The following MYO5B variants were observed in gnomAD, a reference collection of about 807,000 sequenced individuals.
MYO5B encodes unconventional myosin-Vb.
Under a neutral mutation model 229.3 loss-of-function variants are expected in MYO5B, and 143 were observed. The ratio of observed to expected loss-of-function variants is 0.62; its 90% confidence interval spans 0.54 to 0.72. The LOEUF is 0.72. Among genes scored for constraint, MYO5B ranks in the 30% least tolerant of loss-of-function variants. The pLI, the probability that MYO5B is intolerant of heterozygous loss-of-function variation, is 0.00. For missense variants in MYO5B, 2,321 were observed against 2,331.0 expected (o/e 1.00, Z 0.09); for synonymous variants, 918 against 885.2 (o/e 1.04, Z -0.66).
rs190374250 is a variant in MYO5B at position 49,848,916 on chromosome 18, C to A, written c.4315+651G>T. 9.1e-4 allele frequency among the ~76,000 whole-genome samples: 139 copies of A among 152,090 alleles called. 3 individuals carry two copies. The highest frequency in any genetic ancestry group is 8.4e-3 in the Admixed American group (128 of 15,278). On this transcript the variant is annotated intron_variant, in intron 32 of 39. Coordinates refer to ENST00000285039, the MANE Select transcript of MYO5B (RefSeq NM_001080467.3). ...AATGACAACTGTGATCAGGGTTGTG[C>A]CCAACACACAAGTGGGGTCAGGACT...
chr18:50,063,981 G>C (rs2030756056), intron 1 of MYO5B: 1 of 152,362 alleles, frequency 6.6e-6, no homozygotes, highest in African/African-American at 2.4e-5. Flanking sequence ...AAGGAACACT[G>C]CTGAATCATT....
intron 1 of MYO5B, among the ~76,000 whole-genome samples, chr18:50,104,760 A>G (rs1009032664): frequency 3.9e-5 from 6 of 152,188 alleles, no homozygotes; most frequent in Non-Finnish European, 7.3e-5. Flanking sequence ...TCCTAGGGGA[A>G]AATTCTTTTA....
chr18:50,150,757 G>A (rs990940470), intron 1 of MYO5B, among the ~76,000 whole-genome samples: 14 of 151,900 alleles, frequency 9.2e-5, no homozygotes, highest in Non-Finnish European at 4.4e-5. Flanking sequence ...TGGGTGCAGT[G>A]CACCAGCACG....
At chr18:49,904,592 G>A in intron 20 of MYO5B, 80 bp downstream of exon 20, 1 of 1,570,820 alleles carries the variant, frequency 6.4e-7, no homozygotes, top group Non-Finnish European at 8.8e-7. Flanking sequence ...GCTTGACAGA[G>A]GTTCACGTTG....
intron 6 of MYO5B, among the ~76,000 whole-genome samples, chr18:49,991,059 C>T (rs1457843809): frequency 6.6e-6 from 1 of 152,056 alleles, no homozygotes; most frequent in African/African-American, 2.4e-5. Flanking sequence ...ATTCAGGAGG[C>T]CTGAGCGAAG....
chr18:49,992,794 C>G (rs1167753494), intron 5 of MYO5B, among the ~76,000 whole-genome samples: 21 of 152,084 alleles, frequency 1.4e-4, no homozygotes, highest in Admixed American at 1.4e-3. Context: ...GAGGAAAAGG[C>G]CTAAAGAATC....
At chr18:49,934,941 G>A (rs1942432) in intron 16 of MYO5B, among the ~76,000 whole-genome samples, 39,164 of 152,098 alleles carry the variant, frequency 0.26, 5,621 homozygotes, top group Middle Eastern at 0.38. Flanking sequence ...AGAAATCATG[G>A]GGAAGGAAAG....
intron 4 of MYO5B, among the ~76,000 whole-genome samples, chr18:50,010,674 C>T (rs1450281772): frequency 1.3e-5 from 2 of 152,182 alleles, no homozygotes; most frequent in African/African-American, 2.4e-5. Context: ...AACAGAGGCA[C>T]GTGTTTCCTG....
intron 34 of MYO5B, among the ~76,000 whole-genome samples, chr18:49,841,786 C>T (rs2024060533): frequency 6.6e-6 from 1 of 152,210 alleles, no homozygotes; most frequent in Non-Finnish European, 1.5e-5. Context: ...CCCAACAGCC[C>T]CGGGCTCTCG....
chr18:50,106,965 G>T (rs909611809), intron 1 of MYO5B, among the ~76,000 whole-genome samples: 1 of 152,118 alleles, frequency 6.6e-6, no homozygotes, highest in Non-Finnish European at 1.5e-5. Flanking sequence ...CTAAGGGAGG[G>T]TGCAAAGGGA....
At position 50,070,671 on chromosome 18, in the gene MYO5B, T is replaced by C. The variant is rs191877164; in HGVS notation, c.28-15293A>G. On this transcript the variant is annotated intron_variant, in intron 1 of 39. Coordinates refer to ENST00000285039, the MANE Select transcript of MYO5B (RefSeq NM_001080467.3). Reference sequence around the variant, plus strand: ...AACAAAAACACCTCATCCTGCACGATACCATTCCCCTGCTTAAAAATGTCC... The same window carrying C: ...AACAAAAACACCTCATCCTGCACGACACCATTCCCCTGCTTAAAAATGTCC... Among the ~76,000 whole-genome samples the C allele has an allele frequency of 5.3e-5, 8 of 152,248 alleles. No homozygotes were observed. In the East Asian group the frequency reaches 1.5e-3, roughly 29 times the overall value.
chr18:49,910,191 C>T (rs1052118662), intron 18 of MYO5B, among the ~76,000 whole-genome samples: 3 of 152,180 alleles, frequency 2.0e-5, no homozygotes, highest in African/African-American at 4.8e-5. Flanking sequence ...CAGCAGCAGC[C>T]CCAGGCAGTG....
intron 1 of MYO5B, among the ~76,000 whole-genome samples, chr18:50,068,685 G>T (rs972491351): frequency 6.6e-6 from 1 of 152,188 alleles, no homozygotes; most frequent in Admixed American, 6.5e-5. Context: ...ACTGGGTCTT[G>T]GTGTGAAAGA....
At chr18:50,043,500 AATATAAATATATTTATAAGT>A (rs1397597380) in intron 2 of MYO5B, among the ~76,000 whole-genome samples, 1 of 90,498 alleles carries the variant, frequency 1.1e-5, no homozygotes, top group Non-Finnish European at 2.2e-5. Context: ...TTTATATATA[AATATAAATATATTTATAAGT>A]ATATAAATAT....
At chr18:50,013,992 C>T (rs529898157) in intron 4 of MYO5B, among the ~76,000 whole-genome samples, 16 of 152,244 alleles carry the variant, frequency 1.1e-4, no homozygotes, top group Admixed American at 9.8e-4. Context: ...GACAAGAATC[C>T]AAGACACAGA....
chr18:50,012,942 T>G (rs1441735623), intron 4 of MYO5B, among the ~76,000 whole-genome samples: 2 of 152,208 alleles, frequency 1.3e-5, no homozygotes, highest in African/African-American at 4.8e-5. Flanking sequence ...AGCAAAGACA[T>G]AATCAACCTC....
intron 1 of MYO5B, among the ~76,000 whole-genome samples, chr18:50,171,532 C>T (rs2032919891): frequency 7.9e-6 from 1 of 126,380 alleles, no homozygotes; most frequent in African/African-American, 3.1e-5. Flanking sequence ...GCTGATTCTG[C>T]TGGGGAAACA....
At chr18:50,123,910 T>C (rs2032112465) in intron 1 of MYO5B, among the ~76,000 whole-genome samples, 1 of 152,208 alleles carries the variant, frequency 6.6e-6, no homozygotes, top group Non-Finnish European at 1.5e-5. Context: ...TATGTATATA[T>C]ACGATACACA....
intron 1 of MYO5B, among the ~76,000 whole-genome samples, chr18:50,086,861 G>A (rs2031341555): frequency 6.6e-6 from 1 of 152,170 alleles, no homozygotes; most frequent in African/African-American, 2.4e-5. Flanking sequence ...TCACAGAAAT[G>A]CAAAAGACTA....
Sources: gnomAD v4.1 joint callset for allele counts (sites outside exome capture counted in the v4.1 genomes callset) on GRCh38, gnomAD v4.1.1 for gene constraint, MANE v1.5 for transcripts, NCBI Gene and HGNC (gene_info 2026-07-23, HGNC 2026-07-21) for gene names.